The following PPP2R2A variants were observed in gnomAD, a reference collection of about 807,000 sequenced individuals.
PPP2R2A encodes the protein serine/threonine-protein phosphatase 2A 55 kDa regulatory subunit B alpha isoform.
In PPP2R2A, 9 loss-of-function variants were observed where a neutral mutation model predicts 53.2. That is an observed-to-expected ratio of 0.17 (90% CI 0.10 to 0.30). The LOEUF is 0.30. PPP2R2A is among the 10% of genes least tolerant of loss of function. PPP2R2A has a pLI of 1.00. For synonymous variants in PPP2R2A, 169 were observed against 174.2 expected (o/e 0.97, Z 0.23); for missense variants, 235 against 534.6 (o/e 0.44, Z 5.53).
Position 26,360,477 on chromosome 8 carries a change from C to A in PPP2R2A, c.459+196C>A. 2.6e-6 allele frequency: 1 copy of A among 382,288 alleles called. No individual in the cohort carries two copies. Among genetic ancestry groups the A allele is most frequent in the Non-Finnish European group, 4.6e-6 (1 of 215,172 alleles). 23.7% of individuals were successfully genotyped at this position (382,288 alleles called of 1,614,324 possible). ...ATAGAGGTCTCACTTTGGCCAGGGA[C>A]AGAAGCAGGACTCAAGCACAAGACA... On this transcript the variant is annotated intron_variant, in intron 5 of 9. Transcript: ENST00000380737. The surrounding 1 kb of genome is among the most constrained non-coding windows in gnomAD (Gnocchi z 4.5).
intron 2 of PPP2R2A, among the ~76,000 whole-genome samples, chr8:26,307,958 T>C (rs1802099237): frequency 6.6e-6 from 1 of 152,232 alleles, no homozygotes; most frequent in African/African-American, 2.4e-5. Flanking sequence ...TAGGCATACG[T>C]CAGAAATATT....
rs951921588 is a variant in PPP2R2A, at chr8:26,353,403, A to G, written c.181-1065A>G. Reference sequence around the variant, plus strand: ...ACAACCCAAAACATAGACTTTCAAGATGATTCAGTGAAGTTTCCTTTTGAT... The same window carrying G: ...ACAACCCAAAACATAGACTTTCAAGGTGATTCAGTGAAGTTTCCTTTTGAT... On this transcript the variant is annotated intron_variant, in intron 3 of 9. Transcript: ENST00000380737. 8.5e-5 allele frequency among the ~76,000 whole-genome samples: 13 copies of G among 152,236 alleles called. No homozygotes were observed. In the South Asian group the frequency reaches 1.2e-3, roughly 15 times the overall value.
At chr8:26,319,716 A>G (rs1456361738) in intron 2 of PPP2R2A, among the ~76,000 whole-genome samples, 5 of 152,092 alleles carry the variant, frequency 3.3e-5, no homozygotes, top group African/African-American at 1.2e-4. Context: ...GATAGAACCC[A>G]TTAGGGTGGA....
At position 26,338,210 on chromosome 8, in the gene PPP2R2A, A is replaced by G. The variant is rs932869824; in HGVS notation, c.83-680A>G. Among the ~76,000 whole-genome samples the G allele has an allele frequency of 6.6e-6, 1 of 152,054 alleles. No homozygotes were observed. The highest frequency in any genetic ancestry group is 6.5e-5 in the Admixed American group (1 of 15,274). On this transcript the variant is annotated intron_variant, in intron 2 of 9. Transcript: ENST00000380737. This position sits in a 1 kb window ranked among gnomAD's most constrained non-coding sequence, Gnocchi z 4.5. The stretch of plus-strand genomic sequence containing the variant: ...CTTAGGAAAAGGGCTCTAGTGTGAA[A>G]AACCAAGAAAAAAAACTTGACAGTT...
intron 2 of PPP2R2A, among the ~76,000 whole-genome samples, chr8:26,319,163 C>T (rs1159964309): frequency 6.6e-6 from 1 of 152,070 alleles, no homozygotes; most frequent in Non-Finnish European, 1.5e-5. Context: ...TTTCTTAAGG[C>T]TGCATAATCT....
In PPP2R2A at chr8:26,322,427, T is replaced by G. The variant is rs140918729; in HGVS notation, c.83-16463T>G. Among the ~76,000 whole-genome samples, 513 of 152,288 alleles carry G rather than the reference T, an allele frequency of 3.4e-3. 11 individuals are homozygous for G. Among genetic ancestry groups the G allele is most frequent in the Admixed American group, 0.029 (443 of 15,302 alleles). On this transcript the variant is annotated intron_variant, in intron 2 of 9. Coordinates refer to ENST00000380737, the MANE Select transcript of PPP2R2A (RefSeq NM_002717.4). ...AGAACATTTCTATCGTAGGAAGTTT[T>G]GATGGACAGTGCTGTGGTAGAGTGT...
intron 3 of PPP2R2A, among the ~76,000 whole-genome samples, chr8:26,344,048 C>T (rs1804087920): frequency 6.6e-6 from 1 of 152,102 alleles, no homozygotes; most frequent in Non-Finnish European, 1.5e-5. Flanking sequence ...CCAGATTACC[C>T]ATCCAAAGTC....
chr8:26,308,390 A>G (rs1427699787), intron 2 of PPP2R2A, among the ~76,000 whole-genome samples: 3 of 152,248 alleles, frequency 2.0e-5, no homozygotes, highest in Admixed American at 6.5e-5. Context: ...ACTTCTTTCA[A>G]AATTGGAGAC....
At chr8:26,319,194 T>C (rs1802709983) in intron 2 of PPP2R2A, among the ~76,000 whole-genome samples, 3 of 152,204 alleles carry the variant, frequency 2.0e-5, no homozygotes, top group Non-Finnish European at 4.4e-5. Flanking sequence ...CCACATTTTG[T>C]TTGTTCACTC....
At chr8:26,325,485 G>A (rs1365991662) in intron 2 of PPP2R2A, among the ~76,000 whole-genome samples, 6 of 152,126 alleles carry the variant, frequency 3.9e-5, no homozygotes, top group East Asian at 1.9e-4. Context: ...TATCAGCGGC[G>A]TGAAAACGGA....
At chr8:26,297,493 T>C (rs1243063378) in intron 2 of PPP2R2A, among the ~76,000 whole-genome samples, 1 of 152,182 alleles carries the variant, frequency 6.6e-6, no homozygotes, top group Non-Finnish European at 1.5e-5. Context: ...AAAAATAAAT[T>C]ATTGCTAGTA....
At chr8:26,322,578 C>T (rs1237735308) in intron 2 of PPP2R2A, among the ~76,000 whole-genome samples, 1 of 151,860 alleles carries the variant, frequency 6.6e-6, no homozygotes, top group East Asian at 1.9e-4. Flanking sequence ...AAGTATATCA[C>T]TCGACTACTT....
chr8:26,339,161 G>A (rs1323360083), intron 3 of PPP2R2A, among the ~76,000 whole-genome samples, 174 bp downstream of exon 3: 6 of 152,194 alleles, frequency 3.9e-5, no homozygotes, highest in Non-Finnish European at 2.9e-5. Flanking sequence ...ATGTGTGCAT[G>A]TGTGTACATG....
intron 3 of PPP2R2A, among the ~76,000 whole-genome samples, chr8:26,341,371 C>A (rs999158733): frequency 6.6e-6 from 1 of 151,980 alleles, no homozygotes; most frequent in African/African-American, 2.4e-5. Flanking sequence ...TGTTTCAATA[C>A]CTAATGTAAT....
chr8:26,319,597 T>C (rs1461901980), intron 2 of PPP2R2A, among the ~76,000 whole-genome samples: 2 of 152,156 alleles, frequency 1.3e-5, no homozygotes, highest in Admixed American at 6.5e-5. Flanking sequence ...TTCCTAACTC[T>C]CATGTTTTGA....
chr8:26,345,803 A>G (rs1301807949), intron 3 of PPP2R2A, among the ~76,000 whole-genome samples: 3 of 152,138 alleles, frequency 2.0e-5, no homozygotes, highest in African/African-American at 7.2e-5. Flanking sequence ...TTACGCCTTA[A>G]TACTCCCAAT....
intron 2 of PPP2R2A, among the ~76,000 whole-genome samples, chr8:26,298,941 A>G: frequency 6.6e-6 from 1 of 152,374 alleles, no homozygotes; most frequent in South Asian, 2.1e-4. Context: ...TAAAAATTCA[A>G]ATACATGTGG....
At chr8:26,341,428 T>C (rs1389030976) in intron 3 of PPP2R2A, among the ~76,000 whole-genome samples, 1 of 152,110 alleles carries the variant, frequency 6.6e-6, no homozygotes, top group East Asian at 1.9e-4. Flanking sequence ...TTTGTTTCAA[T>C]ACCTAATGTA....
intron 2 of PPP2R2A, among the ~76,000 whole-genome samples, chr8:26,296,915 A>G (rs1472642014): frequency 2.0e-5 from 3 of 152,312 alleles, no homozygotes; most frequent in Non-Finnish European, 2.9e-5. Context: ...ACAACCGTAT[A>G]ATGCAAAGAA....
Sources: allele counts gnomAD v4.1 joint callset (sites outside exome capture counted in the v4.1 genomes callset), GRCh38; gene constraint gnomAD v4.1.1; non-coding constraint Gnocchi (gnomAD v3.1); transcripts MANE v1.5; gene names NCBI Gene and HGNC (gene_info 2026-07-23, HGNC 2026-07-21).